The following DPF2 variants were observed in gnomAD, a reference collection of about 807,000 sequenced individuals.
The protein encoded by DPF2 is zinc finger protein ubi-d4.
In DPF2, 10 loss-of-function variants were observed where a neutral mutation model predicts 59.6. The ratio of observed to expected loss-of-function variants is 0.17; its 90% CI spans 0.10 to 0.28. The LOEUF (loss-of-function observed/expected upper bound fraction) is 0.28, where lower values mean the gene tolerates loss of function less well. Ranked by LOEUF, DPF2 falls within the 10% of genes least tolerant of loss-of-function variation. DPF2 has a pLI of 1.00. For missense variants in DPF2, 315 were observed against 509.4 expected, an observed-to-expected ratio of 0.62 and a Z score of 3.67; for synonymous variants, 189 against 190.6, an observed-to-expected ratio of 0.99 and a Z score of 0.07.
intron 9 of DPF2, chr11:65,347,412 C>T (rs1478656219): frequency 6.6e-6 from 1 of 151,980 alleles, no homozygotes; most frequent in Non-Finnish European, 1.5e-5. Context: ...TCACTAAAAC[C>T]TTTCCCTTCA....
At chr11:65,337,534 GA>G (rs1565527961) in intron 1 of DPF2, among the ~76,000 whole-genome samples, 1 of 135,930 alleles carries the variant, frequency 7.4e-6, no homozygotes, top group African/African-American at 2.8e-5. Flanking sequence ...GAGAGAGAGA[GA>G]GAGAGAGAGA....
chr11:65,338,913 T>C (rs901596483), intron 1 of DPF2, among the ~76,000 whole-genome samples: 1 of 152,146 alleles, frequency 6.6e-6, no homozygotes, highest in Non-Finnish European at 1.5e-5. Flanking sequence ...AAAATCCTGA[T>C]ATGTCAAAGC....
At chr11:65,344,235 C>G in intron 6 of DPF2, 166 bp downstream of exon 6, 1 of 699,274 alleles carries the variant, frequency 1.4e-6, no homozygotes, top group Non-Finnish European at 2.5e-6. Context: ...GGCCTGGGTC[C>G]CTGCTATATG....
At chr11:65,344,504 T>C (rs4647587) in intron 6 of DPF2, 89,676 of 1,459,670 alleles carry the variant, frequency 0.061, 5,306 homozygotes, top group African/African-American at 0.31. Flanking sequence ...TCGTTTGCTC[T>C]GCTTTCCTGC....
Position 65,346,230 on chromosome 11 carries a change from C to T in DPF2, c.905-17C>T, listed in dbSNP as rs1854525357. On this transcript the variant is annotated splice_polypyrimidine_tract_variant and intron_variant, in intron 8 of 10. Transcript: ENST00000528416. Reference sequence around the variant, plus strand: ...CGCATTTCCGACTGTCTGTCTCACTCACTTCCCCCACTACAGGGCATCCAT... The same window carrying T: ...CGCATTTCCGACTGTCTGTCTCACTTACTTCCCCCACTACAGGGCATCCAT... 1 of 1,613,158 alleles carries T rather than the reference C, an allele frequency of 6.2e-7. No homozygotes were observed.
intron 1 of DPF2, among the ~76,000 whole-genome samples, chr11:65,336,785 C>CAA (rs751170058): frequency 7.4e-4 from 49 of 65,826 alleles, no homozygotes; most frequent in Non-Finnish European, 9.8e-4. Flanking sequence ...GACTCCATCT[C>CAA]AAAAAAAAAA....
intron 2 of DPF2, 96 bp downstream of exon 2, chr11:65,340,641 A>C: frequency 6.7e-7 from 1 of 1,499,748 alleles, no homozygotes; most frequent in South Asian, 1.3e-5. Flanking sequence ...GGTTTTCCCT[A>C]CTGCCTTCCA....
intron 4 of DPF2, among the ~76,000 whole-genome samples, chr11:65,342,253 T>C (rs1443904573): frequency 1.3e-5 from 2 of 152,150 alleles, no homozygotes; most frequent in African/African-American, 4.8e-5. Flanking sequence ...CTTTTCAGTC[T>C]AGGCAACATA....
At chr11:65,348,131 A>G (rs1460736549) in intron 9 of DPF2, 2 of 152,040 alleles carry the variant, frequency 1.3e-5, no homozygotes, top group Non-Finnish European at 2.9e-5. Flanking sequence ...CAAAAAAAAT[A>G]AACACTTAGC....
Position 65,341,558 on chromosome 11 carries a change from G to A in DPF2, c.461G>A (p.Arg154Gln), listed in dbSNP as rs1433021097. Reference sequence around the variant, plus strand: ...TTTCCTGTGACCAACAGTCGAGCGCGAAAGGTACAGGATTATCCCTGTGGC... The same window carrying A: ...TTTCCTGTGACCAACAGTCGAGCGCAAAAGGTACAGGATTATCCCTGTGGC... Reference protein sequence around the residue: ...GEFPVTNSRARKRILEPDDFL... With the variant: ...GEFPVTNSRAQKRILEPDDFL... The change falls in exon 4 of 11, where the codon CGA (arginine) becomes CAA (glutamine). Residue 154 changes from arginine (R) to glutamine (Q), a missense_variant. By Grantham distance (43) the Arg-to-Gln change is conservative (BLOSUM62 1). Around this residue, in one of 4 missense-constraint regions of DPF2, gnomAD observed 228 missense variants for 275.3 expected, o/e 0.83. Transcript: ENST00000528416. 3 of 1,614,160 alleles carry A rather than the reference G, an allele frequency of 1.9e-6. No individual in the cohort carries two copies. The highest frequency in any genetic ancestry group is 2.5e-6 in the Non-Finnish European group (3 of 1,180,026).
chr11:65,350,730 C>T (rs982514751), intron 10 of DPF2, among the ~76,000 whole-genome samples: 7 of 151,398 alleles, frequency 4.6e-5, no homozygotes, highest in African/African-American at 1.5e-4. Flanking sequence ...CACTGTGGCT[C>T]GCATCTGTAA....
Position 65,345,918 on chromosome 11 carries a change from T to C in DPF2, c.776-12T>C. The C allele has an allele frequency of 6.2e-7, 1 of 1,613,994 alleles. No individual in the cohort carries two copies. Among genetic ancestry groups the C allele is most frequent in the Non-Finnish European group, 8.5e-7 (1 of 1,179,932 alleles). On this transcript the variant is annotated splice_polypyrimidine_tract_variant and intron_variant, in intron 7 of 10. Coordinates refer to ENST00000528416, the MANE Select transcript of DPF2 (RefSeq NM_006268.5). Reference sequence around the variant, plus strand: ...CCCCCATGGGTGTCATCAAAACTCTTTCTCTCTGTAGCCAAAAAGGGTCCT... The same window carrying C: ...CCCCCATGGGTGTCATCAAAACTCTCTCTCTCTGTAGCCAAAAAGGGTCCT...
intron 1 of DPF2, among the ~76,000 whole-genome samples, chr11:65,339,773 G>C (rs1006014099): frequency 6.6e-6 from 1 of 152,168 alleles, no homozygotes; most frequent in Non-Finnish European, 1.5e-5. Context: ...AGTGTACCTT[G>C]CTTTGCTTTT....
rs761354272 is a variant in DPF2 at position 65,348,841 on chromosome 11, C to T, written c.1018-9C>T. 1 of 1,614,120 alleles carries T rather than the reference C, an allele frequency of 6.2e-7. No individual in the cohort carries two copies. The highest frequency in any genetic ancestry group is 8.5e-7 in the Non-Finnish European group (1 of 1,180,022). On this transcript the variant is annotated splice_polypyrimidine_tract_variant and intron_variant, in intron 9 of 10. Coordinates refer to ENST00000528416, the MANE Select transcript of DPF2 (RefSeq NM_006268.5). ...CAGTCCCCATCCTCTTCCCTCTTGC[C>T]TACTTCAGGACCAGTTGCTCTTCTG... is the stretch of plus-strand genomic sequence containing the variant.
At chr11:65,341,127 G>T (rs1490455953) in intron 3 of DPF2, 54 bp downstream of exon 3, 23 of 1,566,168 alleles carry the variant, frequency 1.5e-5, no homozygotes, top group Non-Finnish European at 1.6e-5. Flanking sequence ...GTGAGAGCCT[G>T]CTAATCACTG....
chr11:65,333,948 C>T (rs1435514280), intron 1 of DPF2, 30 bp downstream of exon 1: 1 of 1,611,824 alleles, frequency 6.2e-7, no homozygotes, highest in Non-Finnish European at 8.5e-7. Flanking sequence ...TCTCCTAGGG[C>T]GGCAGGTTTT....
chr11:65,348,847 C>T lies in DPF2; in HGVS notation c.1018-3C>T. On this transcript the variant is annotated splice_region_variant and splice_polypyrimidine_tract_variant and intron_variant, in intron 9 of 10. Coordinates refer to ENST00000528416, the MANE Select transcript of DPF2 (RefSeq NM_006268.5). Reference sequence around the variant, plus strand: ...CCATCCTCTTCCCTCTTGCCTACTTCAGGACCAGTTGCTCTTCTGTGATGA... The same window carrying T: ...CCATCCTCTTCCCTCTTGCCTACTTTAGGACCAGTTGCTCTTCTGTGATGA... 6.2e-7 allele frequency: 1 copy of T among 1,614,176 alleles called. No individual in the cohort carries two copies. Among genetic ancestry groups the T allele is most frequent in the South Asian group, 1.1e-5 (1 of 91,088 alleles).
At chr11:65,337,504 T>TATATATATAGAGAGAG (rs1282367012) in intron 1 of DPF2, among the ~76,000 whole-genome samples, 4 of 21,394 alleles carry the variant, frequency 1.9e-4, no homozygotes, top group African/African-American at 3.7e-4. Context: ...TATATATATA[T>TATATATATAGAGAGAG]AGAGAGAGAG....
intron 1 of DPF2, among the ~76,000 whole-genome samples, chr11:65,337,488 TATATATATATATATATAGAGAG>T (rs1228603897): frequency 1.6e-5 from 1 of 62,022 alleles, no homozygotes; most frequent in Non-Finnish European, 3.1e-5. Flanking sequence ...TATATATATA[TATATATATATATATATAGAGAG>T]AGAGAGAGAG....
Sources: gnomAD v4.1 joint callset for allele counts (sites outside exome capture counted in the v4.1 genomes callset) on GRCh38, gnomAD v4.1.1 for gene constraint, gnomAD v4.1.1 regional missense constraint, MANE v1.5 for transcripts, NCBI Gene and HGNC (gene_info 2026-07-23, HGNC 2026-07-21) for gene names.